Variants in CTNNA3 observed in about 807,000 individuals in gnomAD.
The protein encoded by CTNNA3 is catenin alpha 3.
Under a neutral mutation model 95.7 loss-of-function variants are expected in CTNNA3, and 76 were observed. That is an observed-to-expected ratio of 0.79 (90% CI 0.66 to 0.96). The LOEUF (loss-of-function observed/expected upper bound fraction) is 0.96, where lower values mean the gene tolerates loss of function less well. Among genes scored for constraint, CTNNA3 ranks in the 40% least tolerant of loss-of-function variants. The pLI, the probability that CTNNA3 is intolerant of heterozygous loss-of-function variation, is 0.00. For missense variants in CTNNA3, 1,191 were observed against 1,089.8 expected, an observed-to-expected ratio of 1.09 and a Z score of -1.31; for synonymous variants, 431 against 374.4, an observed-to-expected ratio of 1.15 and a Z score of -1.74.
At chr10:66,408,601 C>G (rs1164424060) in intron 11 of CTNNA3, among the ~76,000 whole-genome samples, 1 of 152,162 alleles carries the variant, frequency 6.6e-6, no homozygotes, top group Non-Finnish European at 1.5e-5. Flanking sequence ...CTACCTAGGT[C>G]AGCCATAAAG....
At chr10:66,957,459 T>TATATATATGCATATATATATATGC (rs1564794107) in intron 7 of CTNNA3, among the ~76,000 whole-genome samples, 6 of 25,174 alleles carry the variant, frequency 2.4e-4, no homozygotes, top group Admixed American at 5.5e-4. Flanking sequence ...TATATATGCA[T>TATATATATGCATATATATATATGC]ATATATATAT....
intron 11 of CTNNA3, among the ~76,000 whole-genome samples, chr10:66,427,340 G>A (rs1402618130): frequency 6.6e-6 from 1 of 151,654 alleles, no homozygotes; most frequent in Non-Finnish European, 1.5e-5. Flanking sequence ...TTTCTATATG[G>A]ACTCACAGTA....
chr10:66,067,951 T>A (rs1327890705), intron 15 of CTNNA3, among the ~76,000 whole-genome samples: 1 of 152,046 alleles, frequency 6.6e-6, no homozygotes, highest in Non-Finnish European at 1.5e-5. Context: ...TTATATTATT[T>A]CCTTTGGATA....
At chr10:65,941,568 A>C (rs2077430356) in intron 17 of CTNNA3, among the ~76,000 whole-genome samples, 1 of 152,202 alleles carries the variant, frequency 6.6e-6, no homozygotes, top group Non-Finnish European at 1.5e-5. Context: ...GCTAGAAACA[A>C]TCTCAAAGAC....
chr10:67,043,837 C>CTT lies in CTNNA3; in HGVS notation c.1047+136478_1047+136479dup, dbSNP rs563288254. Among the ~76,000 whole-genome samples, 619 of 151,904 alleles carry CTT rather than the reference C, an allele frequency of 4.1e-3. 4 individuals carry two copies. Among genetic ancestry groups the CTT allele is most frequent in the African/African-American group, 0.014 (589 of 41,434 alleles). On this transcript the variant is annotated intron_variant, in intron 7 of 17. Coordinates refer to ENST00000433211, the MANE Select transcript of CTNNA3 (RefSeq NM_013266.4). The stretch of plus-strand genomic sequence containing the variant: ...GATAATTATGATACAGTGAGGACTA[C>CTT]TTTTTTTTCTGTTTACTTCTATATG...
chr10:65,974,611 G>GT (rs1323054797), intron 16 of CTNNA3, among the ~76,000 whole-genome samples: 4 of 152,136 alleles, frequency 2.6e-5, no homozygotes, highest in Non-Finnish European at 4.4e-5. Context: ...GAGGAAGGGA[G>GT]TAAAGGCTTG....
At chr10:67,468,811 T>G (rs747665218) in intron 5 of CTNNA3, among the ~76,000 whole-genome samples, 1 of 152,084 alleles carries the variant, frequency 6.6e-6, no homozygotes, top group Non-Finnish European at 1.5e-5. Context: ...ACACACACAT[T>G]GGATTATCAG....
intron 11 of CTNNA3, among the ~76,000 whole-genome samples, chr10:66,437,197 T>C (rs757746042): frequency 3.7e-4 from 57 of 152,170 alleles, no homozygotes; most frequent in Non-Finnish European, 7.9e-4. Context: ...ATTATCTTTG[T>C]GGTGTTCTCT....
chr10:67,498,006 G>T (rs1332664506), intron 5 of CTNNA3, among the ~76,000 whole-genome samples: 1 of 152,136 alleles, frequency 6.6e-6, no homozygotes, highest in African/African-American at 2.4e-5. Context: ...CAAAGTCCTT[G>T]CCCATGCCTA....
chr10:67,007,076 G>A (rs1852036307), intron 7 of CTNNA3, among the ~76,000 whole-genome samples: 2 of 152,122 alleles, frequency 1.3e-5, no homozygotes, highest in African/African-American at 2.4e-5. Flanking sequence ...GATTACAGGC[G>A]TGAGCCACCA....
intron 5 of CTNNA3, among the ~76,000 whole-genome samples, chr10:67,396,804 T>TG (rs1844723401): frequency 4.1e-3 from 2 of 482 alleles, no homozygotes; most frequent in Non-Finnish European, 5.6e-3. Context: ...TGGGGGCAGT[T>TG]ACCCCATGCT....
intron 11 of CTNNA3, among the ~76,000 whole-genome samples, chr10:66,471,980 C>T (rs1387561739): frequency 6.6e-6 from 1 of 151,918 alleles, no homozygotes; most frequent in Non-Finnish European, 1.5e-5. Context: ...TTCACACTGA[C>T]GTGTGTAAAA....
intron 5 of CTNNA3, among the ~76,000 whole-genome samples, chr10:67,497,770 T>C (rs1839075794): frequency 6.6e-6 from 1 of 152,358 alleles, no homozygotes; most frequent in East Asian, 1.9e-4. Flanking sequence ...ACCCACGTTT[T>C]GATGGGGTTG....
At chr10:67,309,530 TAATAAG>T (rs926226773) in intron 5 of CTNNA3, among the ~76,000 whole-genome samples, 159 of 152,186 alleles carry the variant, frequency 1.0e-3, no homozygotes, top group African/African-American at 3.6e-3. Flanking sequence ...TGAAGGGAGC[TAATAAG>T]AATAAGTGTG....
intron 15 of CTNNA3, among the ~76,000 whole-genome samples, chr10:66,058,862 A>C (rs1252201314): frequency 6.6e-6 from 1 of 152,184 alleles, no homozygotes. Flanking sequence ...CAGCCTTTTT[A>C]GAAAATGCAG....
At chr10:67,318,389 T>C (rs1479094163) in intron 5 of CTNNA3, among the ~76,000 whole-genome samples, 2 of 152,194 alleles carry the variant, frequency 1.3e-5, no homozygotes, top group Non-Finnish European at 2.9e-5. Flanking sequence ...GTTTTCCACC[T>C]GTAAAATGAT....
chr10:66,978,960 C>CTTTTTTTTTTTTTTTTTTTTTTTTTTT (rs34112681), intron 7 of CTNNA3, among the ~76,000 whole-genome samples: 1 of 83,782 alleles, frequency 1.2e-5, no homozygotes, highest in Non-Finnish European at 2.2e-5. Context: ...TACTTATTTC[C>CTTTTTTTTTTTTTTTTTTTTTTTTTTT]TTTTTTTTTT....
chr10:66,697,676 G>T (rs1847814001), intron 9 of CTNNA3, among the ~76,000 whole-genome samples: 3 of 151,886 alleles, frequency 2.0e-5, no homozygotes. Flanking sequence ...TTTCAAAATG[G>T]GTATAAATTA....
rs981500170 is a variant in CTNNA3 at position 67,071,499 on chromosome 10, T to A, written c.1047+108818A>T. Among the ~76,000 whole-genome samples the A allele has an allele frequency of 3.6e-5, 4 of 110,004 alleles. No individual in the cohort carries two copies. The East Asian group carries it at 9.9e-4, about 27-fold the overall frequency. The allele number at this position is 110,004 out of a possible 152,430, so 72.2% of individuals were successfully genotyped here. On this transcript the variant is annotated intron_variant, in intron 7 of 17. Transcript: ENST00000433211. Reference sequence around the variant, plus strand: ...TCTCAATCTTGTACTTAGAGCTCTTTAAAGTTTTTTTTGTTTGTTTGTTTC... The same window carrying A: ...TCTCAATCTTGTACTTAGAGCTCTTAAAAGTTTTTTTTGTTTGTTTGTTTC...
Sources: allele counts gnomAD v4.1 joint callset (sites outside exome capture counted in the v4.1 genomes callset), GRCh38; gene constraint gnomAD v4.1.1; transcripts MANE v1.5; gene names NCBI Gene and HGNC (gene_info 2026-07-23, HGNC 2026-07-21).